The following LRSAM1 variants were observed in gnomAD, a reference collection of about 807,000 sequenced individuals.
The protein encoded by LRSAM1 is E3 ubiquitin-protein ligase LRSAM1.
A neutral mutation model predicts 118.1 loss-of-function variants in LRSAM1; 96 were observed. The ratio of observed to expected loss-of-function variants is 0.81; its 90% CI spans 0.69 to 0.96. The LOEUF (loss-of-function observed/expected upper bound fraction) is 0.96. Ranked by LOEUF, LRSAM1 falls within the 40% of genes least tolerant of loss-of-function variation. The pLI is 0.00. For missense variants in LRSAM1, 804 were observed against 915.5 expected (o/e 0.88, Z 1.57); for synonymous variants, 322 against 364.2 (o/e 0.88, Z 1.32).
At position 127,473,744 on chromosome 9, in the gene LRSAM1, T is replaced by C. The variant is rs1835255583; in HGVS notation, c.620-57T>C. On this transcript the variant is annotated intron_variant, in intron 10 of 25. Coordinates refer to ENST00000300417, the MANE Select transcript of LRSAM1 (RefSeq NM_001005373.4). ...TGCCCTGGCAGTGGGAGCGGGTGTC[T>C]CTGGGTACCTCAGCTGTCTCCTCCC... 4 of 1,613,274 alleles carry C rather than the reference T, an allele frequency of 2.5e-6. No homozygotes were observed. The Admixed American group carries it at 5.0e-5, about 20-fold the overall frequency.
chr9:127,495,461 ACCT>A, intron 22 of LRSAM1, 43 bp downstream of exon 22: 1 of 1,569,898 alleles, frequency 6.4e-7, no homozygotes, highest in Middle Eastern at 2.0e-4. Context: ...AGCCCTGGGG[ACCT>A]CCTCCCAGAG....
At chr9:127,492,209 A>G (rs1029429360) in intron 20 of LRSAM1, among the ~76,000 whole-genome samples, 1 of 152,326 alleles carries the variant, frequency 6.6e-6, no homozygotes. Flanking sequence ...CTGTGCCATC[A>G]GGCCATCGGA....
chr9:127,454,201 T>C (rs1184680035), intron 2 of LRSAM1, among the ~76,000 whole-genome samples: 5 of 103,406 alleles, frequency 4.8e-5, no homozygotes, highest in Admixed American at 1.0e-4. Context: ...AAAGACGCTG[T>C]CCCTGACCCC....
intron 13 of LRSAM1, 98 bp from the exon 14 acceptor site, chr9:127,479,740 CA>C: frequency 6.6e-7 from 1 of 1,508,656 alleles, no homozygotes; most frequent in Non-Finnish European, 9.0e-7. Context: ...AAAGGATTGG[CA>C]AGGCAGGGTG....
intron 10 of LRSAM1, among the ~76,000 whole-genome samples, chr9:127,471,613 G>A (rs1218056536): frequency 1.3e-5 from 2 of 149,414 alleles, no homozygotes; most frequent in African/African-American, 2.4e-5. Flanking sequence ...ATGGAGAAAC[G>A]CCATCTTTAC....
intron 11 of LRSAM1, among the ~76,000 whole-genome samples, chr9:127,476,435 C>G (rs1355364127): frequency 6.6e-6 from 1 of 152,080 alleles, no homozygotes; most frequent in Non-Finnish European, 1.5e-5. Flanking sequence ...GTGGTCCCAG[C>G]TACGAGGGAG....
chr9:127,469,251 C>T (rs995466735), intron 10 of LRSAM1, among the ~76,000 whole-genome samples: 4 of 151,368 alleles, frequency 2.6e-5, no homozygotes, highest in Non-Finnish European at 5.9e-5. Flanking sequence ...GGGCAGATAA[C>T]CTGAGGTCAG....
chr9:127,480,937 C>T (rs1253529569), intron 14 of LRSAM1, among the ~76,000 whole-genome samples: 1 of 152,146 alleles, frequency 6.6e-6, no homozygotes, highest in African/African-American at 2.4e-5. Flanking sequence ...CTTCAGCCTC[C>T]CAAAGTGCTG....
intron 9 of LRSAM1, among the ~76,000 whole-genome samples, chr9:127,464,383 C>T (rs967232593): frequency 2.7e-5 from 3 of 109,806 alleles, no homozygotes; most frequent in Non-Finnish European, 5.4e-5. Context: ...TCCAGAGCGG[C>T]GGCCACTGGC....
At chr9:127,461,352 C>A in intron 8 of LRSAM1, 95 bp downstream of exon 8, 1 of 1,090,458 alleles carries the variant, frequency 9.2e-7, no homozygotes, top group Non-Finnish European at 1.4e-6. Context: ...AGCCATTGAG[C>A]AGGAGGGCAG....
At chr9:127,482,140 C>CT (rs769821359) in intron 15 of LRSAM1, among the ~76,000 whole-genome samples, 19,015 of 118,064 alleles carry the variant, frequency 0.16, 2,032 homozygotes, top group Admixed American at 0.31. Flanking sequence ...TTTAGTATAT[C>CT]TTTTTTTTTT....
intron 9 of LRSAM1, among the ~76,000 whole-genome samples, chr9:127,463,341 A>C (rs533243061): frequency 6.6e-6 from 1 of 152,000 alleles, no homozygotes; most frequent in African/African-American, 2.4e-5. Context: ...AGCTTGTGTG[A>C]TATGGGGCCC....
At chr9:127,468,959 A>G (rs927662074) in intron 10 of LRSAM1, among the ~76,000 whole-genome samples, 2 of 152,110 alleles carry the variant, frequency 1.3e-5, no homozygotes, top group Non-Finnish European at 2.9e-5. Flanking sequence ...CAAGACTCCA[A>G]CAAAGCAATA....
At chr9:127,468,920 T>C (rs1388901566) in intron 10 of LRSAM1, among the ~76,000 whole-genome samples, 2 of 151,146 alleles carry the variant, frequency 1.3e-5, no homozygotes, top group Non-Finnish European at 2.9e-5. Flanking sequence ...GCCTGAGCTG[T>C]GGTCATGCCA....
intron 18 of LRSAM1, among the ~76,000 whole-genome samples, chr9:127,488,215 C>T (rs1835802247): frequency 6.6e-6 from 1 of 152,056 alleles, no homozygotes; most frequent in South Asian, 2.1e-4. Flanking sequence ...AACGAAGGGC[C>T]CCTGTGACCT....
chr9:127,481,269 T>G (rs980595806), intron 15 of LRSAM1, 42 bp downstream of exon 15: 1 of 1,596,222 alleles, frequency 6.3e-7, no homozygotes, highest in Non-Finnish European at 8.5e-7. Flanking sequence ...TTTTTTTTTT[T>G]TTGAGACGGA....
At chr9:127,480,668 G>A (rs1248512389) in intron 14 of LRSAM1, among the ~76,000 whole-genome samples, 2 of 152,180 alleles carry the variant, frequency 1.3e-5, no homozygotes, top group African/African-American at 4.8e-5. Context: ...CTTTACAAAT[G>A]CACCAAGAAG....
intron 11 of LRSAM1, among the ~76,000 whole-genome samples, chr9:127,476,188 C>T (rs1411247355): frequency 6.6e-6 from 1 of 152,120 alleles, no homozygotes; most frequent in Non-Finnish European, 1.5e-5. Context: ...AAATGTTTGT[C>T]AGTGAGAAGG....
chr9:127,459,210 C>CT, intron 7 of LRSAM1, 139 bp downstream of exon 7: 1 of 761,476 alleles, frequency 1.3e-6, no homozygotes, highest in Non-Finnish European at 2.1e-6. Context: ...CCCCTTGGCC[C>CT]TTTGGGGTTT....
Sources: gnomAD v4.1 joint callset for allele counts (sites outside exome capture counted in the v4.1 genomes callset) on GRCh38, gnomAD v4.1.1 for gene constraint, MANE v1.5 for transcripts, NCBI Gene and HGNC (gene_info 2026-07-23, HGNC 2026-07-21) for gene names.